The following GNAL variants were observed in gnomAD, a reference collection of about 807,000 sequenced individuals.
GNAL encodes the protein G protein subunit alpha L, also known as guanine nucleotide-binding protein G(olf) subunit alpha.
Under a neutral mutation model 55.1 loss-of-function variants are expected in GNAL, and 18 were observed. That is an observed-to-expected ratio of 0.33 (90% CI 0.23 to 0.48). The LOEUF is 0.48. Among genes scored for constraint, GNAL ranks in the 20% least tolerant of loss-of-function variants. The pLI is 0.99. For synonymous variants in GNAL, 253 were observed against 237.0 expected (o/e 1.07, Z -0.62); for missense variants, 412 against 614.1 (o/e 0.67, Z 3.48).
intron 1 of GNAL, among the ~76,000 whole-genome samples, chr18:11,700,698 G>T (rs1373378591): frequency 6.6e-6 from 1 of 152,230 alleles, no homozygotes; most frequent in South Asian, 2.1e-4. Context: ...ACACACTGTG[G>T]CATCTGCTTT....
chr18:11,813,343 A>G (rs2034871275), intron 4 of GNAL, among the ~76,000 whole-genome samples: 1 of 152,178 alleles, frequency 6.6e-6, no homozygotes, highest in Non-Finnish European at 1.5e-5. Flanking sequence ...TTAAGGTGGC[A>G]GTTCTTCTCA....
rs541646829 is a variant in GNAL, at chr18:11,846,490, CACAG to C, written c.723-15902_723-15899del. On this transcript the variant is annotated intron_variant, in intron 5 of 11. Coordinates refer to ENST00000334049, the MANE Select transcript of GNAL (RefSeq NM_182978.4). ...ACACACACACACACACACACACACA[CACAG>C]ACTCACTCTGTCAGCCAGGCTGGAA... 1.5e-4 allele frequency among the ~76,000 whole-genome samples: 23 copies of C among 149,004 alleles called. No individual in the cohort carries two copies. The South Asian group carries it at 4.9e-3, about 32-fold the overall frequency.
At chr18:11,807,064 C>T (rs942573045) in intron 4 of GNAL, among the ~76,000 whole-genome samples, 6 of 151,604 alleles carry the variant, frequency 4.0e-5, no homozygotes, top group African/African-American at 1.2e-4. Context: ...GAGGCTGAGG[C>T]AGGAGAATTG....
Position 11,885,554 on chromosome 18 carries a change from A to G in GNAL, c.*4419A>G, listed in dbSNP as rs647651. 0.11 allele frequency: 138,537 copies of G among 1,205,318 alleles called. 13,708 individuals carry two copies. Among genetic ancestry groups the G allele is most frequent in the African/African-American group, 0.45 (29,488 of 65,858 alleles). The allele number at this position is 1,205,318 out of a possible 1,614,324, so 74.7% of individuals were successfully genotyped here. A position where few individuals can be genotyped will look rare whatever the true frequency, so the allele number is the denominator to read the frequency against. ...GGCAGTGTATGGAGCTACGTGTAGA[A>G]GGAGAGAAATTTGTGTGTGGCTTTT... On this transcript the variant is annotated 3_prime_UTR_variant, in exon 12 of 12. Transcript: ENST00000334049.
At chr18:11,699,558 A>G (rs372133320) in intron 1 of GNAL, among the ~76,000 whole-genome samples, 3 of 145,400 alleles carry the variant, frequency 2.1e-5, no homozygotes, top group South Asian at 2.2e-4. Flanking sequence ...TTTTTTTTTG[A>G]GGGGGGGGGT....
At position 11,791,765 on chromosome 18, in the gene GNAL, G is replaced by A. The variant is rs142797420; in HGVS notation, c.625-33153G>A. 1.9e-4 allele frequency among the ~76,000 whole-genome samples: 29 copies of A among 152,242 alleles called. No homozygotes were observed. In the South Asian group the frequency reaches 2.5e-3, roughly 13 times the overall value. ...TCTGCTTCATTGGGTTTCATTGCAAGGACTCGAAGTAGGACACAAAGGACT... is the reference window on the plus strand; with the variant it reads ...TCTGCTTCATTGGGTTTCATTGCAAAGACTCGAAGTAGGACACAAAGGACT... On this transcript the variant is annotated intron_variant, in intron 4 of 11. Transcript: ENST00000334049.
At chr18:11,713,860 G>C (rs1039368958) in intron 1 of GNAL, among the ~76,000 whole-genome samples, 3 of 152,158 alleles carry the variant, frequency 2.0e-5, no homozygotes, top group Non-Finnish European at 4.4e-5. Context: ...TGCAAGGTGA[G>C]ACCCATGCAC....
intron 5 of GNAL, among the ~76,000 whole-genome samples, chr18:11,843,043 A>G (rs111730981): frequency 2.2e-4 from 33 of 152,256 alleles, no homozygotes; most frequent in African/African-American, 5.5e-4. Context: ...TTCTAAAGAG[A>G]TGTTAAGGCC....
intron 4 of GNAL, among the ~76,000 whole-genome samples, chr18:11,823,976 A>G (rs1296480767): frequency 6.6e-6 from 1 of 152,224 alleles, no homozygotes. Flanking sequence ...GCTTGCCATA[A>G]TAATAGGTGA....
chr18:11,839,626 T>A lies in GNAL; in HGVS notation c.722+14611T>A, dbSNP rs960689316. Reference sequence around the variant, plus strand: ...GCATAATATCTCTTCATAGCAGCATTATTCACAATTGGGCAAAAAGTGGAA... The same window carrying A: ...GCATAATATCTCTTCATAGCAGCATAATTCACAATTGGGCAAAAAGTGGAA... On this transcript the variant is annotated intron_variant, in intron 5 of 11. Coordinates refer to ENST00000334049, the MANE Select transcript of GNAL (RefSeq NM_182978.4). 5.3e-5 allele frequency among the ~76,000 whole-genome samples: 8 copies of A among 151,920 alleles called. No homozygotes were observed. In the East Asian group the frequency reaches 1.5e-3, roughly 29 times the overall value.
intron 4 of GNAL, among the ~76,000 whole-genome samples, chr18:11,768,651 T>C (rs1474415424): frequency 6.8e-6 from 1 of 147,266 alleles, no homozygotes; most frequent in South Asian, 2.1e-4. Flanking sequence ...TCCCAACACT[T>C]TGGGAGGCCG....
At position 11,851,780 on chromosome 18, in the gene GNAL, A is replaced by C. The variant is rs1422738305; in HGVS notation, c.723-10615A>C. On this transcript the variant is annotated intron_variant, in intron 5 of 11. Coordinates refer to ENST00000334049, the MANE Select transcript of GNAL (RefSeq NM_182978.4). ...GCGGTGACGATGGGCAAGGTGACCAAGTCGATGGCTGGTGTGGTTAAGTCG... is the reference window on the plus strand; with the variant it reads ...GCGGTGACGATGGGCAAGGTGACCACGTCGATGGCTGGTGTGGTTAAGTCG... The C allele has an allele frequency of 2.5e-5, 41 of 1,613,902 alleles. No individual in the cohort carries two copies. The highest frequency in any genetic ancestry group is 3.3e-5 in the Non-Finnish European group (39 of 1,179,918).
chr18:11,714,022 G>A (rs893117290), intron 1 of GNAL, among the ~76,000 whole-genome samples: 1 of 152,190 alleles, frequency 6.6e-6, no homozygotes, highest in Non-Finnish European at 1.5e-5. Context: ...AAAGGGAACA[G>A]CTTCAGAGTC....
Position 11,725,347 on chromosome 18 carries a change from C to T in GNAL, c.377-27506C>T, listed in dbSNP as rs1438154560. On this transcript the variant is annotated intron_variant, in intron 1 of 11. Coordinates refer to ENST00000334049, the MANE Select transcript of GNAL (RefSeq NM_182978.4). ...ACCATGTGAAGACCCAGGGAGAGGACGCCATCCGCAAGCCAGGGAAAGAGA... is the reference window on the plus strand; with the variant it reads ...ACCATGTGAAGACCCAGGGAGAGGATGCCATCCGCAAGCCAGGGAAAGAGA... Among the ~76,000 whole-genome samples, 5 of 152,220 alleles carry T rather than the reference C, an allele frequency of 3.3e-5. No individual in the cohort carries two copies. In the South Asian group the frequency reaches 6.2e-4, roughly 19 times the overall value.
At chr18:11,817,972 A>T (rs62097370) in intron 4 of GNAL, among the ~76,000 whole-genome samples, 14,996 of 151,240 alleles carry the variant, frequency 0.099, 1,566 homozygotes, top group African/African-American at 0.26. Flanking sequence ...ACTATGCCTC[A>T]TGCCTGTAAT....
chr18:11,788,906 AAAAAAAAAATATAT>A (rs1275542144), intron 4 of GNAL, among the ~76,000 whole-genome samples: 10 of 23,580 alleles, frequency 4.2e-4, no homozygotes, highest in East Asian at 3.8e-3. Context: ...CGAAAAAAAA[AAAAAAAAAATATAT>A]ATATATATAT....
Position 11,885,556 on chromosome 18 carries a change from G to A in GNAL, c.*4421G>A. 1 of 1,229,406 alleles carries A rather than the reference G, an allele frequency of 8.1e-7. No homozygotes were observed. Among genetic ancestry groups the A allele is most frequent in the Non-Finnish European group, 1.1e-6 (1 of 870,468 alleles). The allele number at this position is 1,229,406 out of a possible 1,614,324, so 76.2% of individuals were successfully genotyped here. On this transcript the variant is annotated 3_prime_UTR_variant, in exon 12 of 12. Transcript: ENST00000334049. ...CAGTGTATGGAGCTACGTGTAGAAG[G>A]AGAGAAATTTGTGTGTGGCTTTTGT...
At position 11,689,498 on chromosome 18, in the gene GNAL, A is replaced by C; in HGVS notation, c.-66A>C. ...GCGCCGGCCTGAACTGGGCGCGGGA[A>C]CCAGGCCGCCCTCGGCGCCCAGCCT... On this transcript the variant is annotated 5_prime_UTR_variant, in exon 1 of 12. Transcript: ENST00000334049. The C allele has an allele frequency of 6.6e-6, 5 of 761,288 alleles. No homozygotes were observed. Among genetic ancestry groups the C allele is most frequent in the Non-Finnish European group, 8.9e-6 (5 of 562,020 alleles). 47.2% of individuals were successfully genotyped at this position (761,288 alleles called of 1,614,324 possible).
intron 1 of GNAL, among the ~76,000 whole-genome samples, chr18:11,707,021 G>T (rs1355747372): frequency 1.3e-5 from 2 of 152,084 alleles, no homozygotes; most frequent in Non-Finnish European, 2.9e-5. Flanking sequence ...TGACATTGTT[G>T]TTTTGAGACA....
Sources: gnomAD v4.1 joint callset for allele counts (sites outside exome capture counted in the v4.1 genomes callset) on GRCh38, gnomAD v4.1.1 for gene constraint, MANE v1.5 for transcripts, NCBI Gene and HGNC (gene_info 2026-07-23, HGNC 2026-07-21) for gene names.